FARS2: variants seen among roughly 807,000 people sequenced by gnomAD.
The protein encoded by FARS2 is phenylalanyl-tRNA synthetase 2, mitochondrial.
A neutral mutation model predicts 46.4 loss-of-function variants in FARS2; 40 were observed. The ratio of observed to expected loss-of-function variants is 0.86; its 90% confidence interval spans 0.67 to 1.12. The LOEUF is 1.12. FARS2 is among the 50% of genes most tolerant of loss of function. The probability of loss-of-function intolerance (pLI) is 0.00; values close to 1 mark genes in which losing one functional copy is unlikely to be tolerated. For synonymous variants in FARS2, 234 were observed against 214.9 expected (o/e 1.09, Z -0.78); for missense variants, 513 against 567.9 (o/e 0.90, Z 0.98).
At chr6:5,517,090 G>C (rs913812543) in intron 4 of FARS2, among the ~76,000 whole-genome samples, 1 of 152,076 alleles carries the variant, frequency 6.6e-6, no homozygotes, top group South Asian at 2.1e-4. Flanking sequence ...GAGTGTCTGC[G>C]TTTCGCACAG....
chr6:5,739,368 A>G (rs1761171052), intron 6 of FARS2, among the ~76,000 whole-genome samples: 1 of 152,100 alleles, frequency 6.6e-6, no homozygotes, highest in Non-Finnish European at 1.5e-5. Flanking sequence ...AAAGATCAAG[A>G]ATCCTAACTT....
At chr6:5,430,254 C>T (rs1468032271) in intron 3 of FARS2, among the ~76,000 whole-genome samples, 1 of 152,134 alleles carries the variant, frequency 6.6e-6, no homozygotes, top group Non-Finnish European at 1.5e-5. Context: ...TCTCAGTGGG[C>T]ATCAAGCTCC....
At chr6:5,640,177 C>T (rs895769305) in intron 6 of FARS2, among the ~76,000 whole-genome samples, 9 of 149,212 alleles carry the variant, frequency 6.0e-5, no homozygotes, top group Non-Finnish European at 1.0e-4. Context: ...CCTGAGAAAA[C>T]GCGCACACAT....
chr6:5,422,379 T>TCG (rs1562028794), intron 3 of FARS2, among the ~76,000 whole-genome samples: 1 of 148,564 alleles, frequency 6.7e-6, no homozygotes, highest in African/African-American at 2.5e-5. Flanking sequence ...TCTCTCTCTC[T>TCG]TTTTTTTTTA....
At chr6:5,685,236 G>T (rs1424375660) in intron 6 of FARS2, among the ~76,000 whole-genome samples, 1 of 152,112 alleles carries the variant, frequency 6.6e-6, no homozygotes, top group African/African-American at 2.4e-5. Flanking sequence ...TTTTTCCCTT[G>T]TACGTATAGT....
chr6:5,691,158 T>G (rs1017031276), intron 6 of FARS2, among the ~76,000 whole-genome samples: 2 of 152,206 alleles, frequency 1.3e-5, no homozygotes, highest in African/African-American at 4.8e-5. Context: ...CTCGGAGTAG[T>G]TTGATCGTCT....
chr6:5,648,257 CA>C (rs1777173859), intron 6 of FARS2, among the ~76,000 whole-genome samples: 1 of 152,200 alleles, frequency 6.6e-6, no homozygotes, highest in African/African-American at 2.4e-5. Flanking sequence ...CTCCTTTGCC[CA>C]TTTGCCAACA....
chr6:5,576,667 A>G (rs910422928), intron 5 of FARS2, among the ~76,000 whole-genome samples: 3 of 126,866 alleles, frequency 2.4e-5, no homozygotes, highest in Non-Finnish European at 5.1e-5. Context: ...CTGTCCCTCT[A>G]GAGAACCCTA....
chr6:5,380,727 T>C (rs1426714173), intron 2 of FARS2, among the ~76,000 whole-genome samples: 2 of 152,220 alleles, frequency 1.3e-5, no homozygotes, highest in Non-Finnish European at 2.9e-5. Flanking sequence ...CTGGGTACTT[T>C]CATTGTCTTC....
At chr6:5,760,640 G>T (rs892300930) in intron 6 of FARS2, among the ~76,000 whole-genome samples, 6 of 152,068 alleles carry the variant, frequency 3.9e-5, no homozygotes, top group African/African-American at 1.2e-4. Context: ...CCTCCCTGCC[G>T]CATCCCAGCC....
At chr6:5,696,117 G>T (rs182460277) in intron 6 of FARS2, among the ~76,000 whole-genome samples, 1 of 152,190 alleles carries the variant, frequency 6.6e-6, no homozygotes. Flanking sequence ...ATTGTCTGTG[G>T]ACATGCAAAT....
chr6:5,612,613 G>A (rs1032059558), intron 5 of FARS2, among the ~76,000 whole-genome samples: 8 of 151,928 alleles, frequency 5.3e-5, no homozygotes, highest in Non-Finnish European at 7.4e-5. Flanking sequence ...ATAAAGTGGG[G>A]GAAATGGCTA....
intron 4 of FARS2, among the ~76,000 whole-genome samples, chr6:5,542,960 A>G (rs1306292146): frequency 4.6e-5 from 7 of 152,082 alleles, no homozygotes; most frequent in African/African-American, 1.7e-4. Flanking sequence ...TACAATTTCA[A>G]TCCTTTTAAA....
At chr6:5,250,678 C>T in the FARS2 span, among the ~76,000 whole-genome samples, 4 of 152,006 alleles carry the variant, frequency 2.6e-5, no homozygotes, top group Admixed American at 6.6e-5. Flanking sequence ...TGTAATACAG[C>T]GCCACAGGCT....
chr6:5,501,822 C>T (rs1049756604), intron 4 of FARS2, among the ~76,000 whole-genome samples: 2 of 152,192 alleles, frequency 1.3e-5, no homozygotes, highest in African/African-American at 4.8e-5. Context: ...AATAAAGTAT[C>T]ATTACGGGTT....
At chr6:5,656,637 G>A (rs566733865) in intron 6 of FARS2, among the ~76,000 whole-genome samples, 16 of 152,046 alleles carry the variant, frequency 1.1e-4, no homozygotes, top group South Asian at 6.2e-4. Flanking sequence ...TGCAACCTCC[G>A]CCTCCCGGGT....
At chr6:5,588,764 C>A (rs866205907) in intron 5 of FARS2, among the ~76,000 whole-genome samples, 2 of 152,144 alleles carry the variant, frequency 1.3e-5, no homozygotes, top group Admixed American at 1.3e-4. Flanking sequence ...TAGGTTCTTT[C>A]GCGTGCAGTT....
chr6:5,446,071 C>T (rs574699145), intron 4 of FARS2, among the ~76,000 whole-genome samples: 193 of 152,016 alleles, frequency 1.3e-3, no homozygotes, highest in African/African-American at 4.3e-3. Flanking sequence ...GGCGTGGGGG[C>T]GGGCACCTGT....
intron 4 of FARS2, among the ~76,000 whole-genome samples, chr6:5,517,629 T>C (rs7746396): frequency 0.12 from 18,236 of 150,806 alleles, 1,186 homozygotes; most frequent in East Asian, 0.22. Context: ...AAAAAAAGTA[T>C]AGACATATAT....
Sources: gnomAD v4.1 joint callset for allele counts (sites outside exome capture counted in the v4.1 genomes callset) on GRCh38, gnomAD v4.1.1 for gene constraint, MANE v1.5 for transcripts, NCBI Gene and HGNC (gene_info 2026-07-23, HGNC 2026-07-21) for gene names.